Variants in SLC8A3 observed in about 807,000 individuals in gnomAD.
The protein encoded by SLC8A3 is solute carrier family 8 member A3, also known as sodium/calcium exchanger 3.
SLC8A3 carries 37 observed loss-of-function variants against 65.4 expected under a neutral mutation model. That is an observed-to-expected ratio of 0.57 (90% confidence interval 0.44 to 0.74). The LOEUF (loss-of-function observed/expected upper bound fraction) is 0.74. Among genes scored for constraint, SLC8A3 ranks in the 30% least tolerant of loss-of-function variants. SLC8A3 has a pLI of 0.00. For missense variants in SLC8A3, 1,112 were observed against 1,172.1 expected, an observed-to-expected ratio of 0.95 and a Z score of 0.75; for synonymous variants, 461 against 444.5, an observed-to-expected ratio of 1.04 and a Z score of -0.47.
intron 2 of SLC8A3, among the ~76,000 whole-genome samples, chr14:70,119,708 G>A (rs980412117): frequency 6.6e-6 from 1 of 152,182 alleles, no homozygotes; most frequent in African/African-American, 2.4e-5. Flanking sequence ...ATGCAACTTT[G>A]CATTAGTTAA....
chr14:70,124,986 C>T (rs4902781), intron 2 of SLC8A3, among the ~76,000 whole-genome samples: 141,795 of 152,252 alleles, frequency 0.93, 66,638 homozygotes, highest in Non-Finnish European at 1. Flanking sequence ...GCCATGACCT[C>T]GTCTTTTTCC....
intron 2 of SLC8A3, among the ~76,000 whole-genome samples, chr14:70,158,962 A>G (rs1896730575): frequency 6.6e-6 from 1 of 152,200 alleles, no homozygotes; most frequent in Non-Finnish European, 1.5e-5. Context: ...TGCTTCTAGA[A>G]TGTGCAGAAT....
chr14:70,161,134 T>A (rs921171062), intron 2 of SLC8A3, among the ~76,000 whole-genome samples: 2 of 145,106 alleles, frequency 1.4e-5, no homozygotes, highest in African/African-American at 5.0e-5. Flanking sequence ...TATATATATA[T>A]AAATATAAAT....
At chr14:70,076,609 A>G (rs1890541642) in intron 2 of SLC8A3, among the ~76,000 whole-genome samples, 1 of 152,094 alleles carries the variant, frequency 6.6e-6, no homozygotes, top group African/African-American at 2.4e-5. Context: ...TCTTGCACAC[A>G]TTACTCCCTC....
At chr14:70,173,784 G>A (rs572155376) in intron 1 of SLC8A3, among the ~76,000 whole-genome samples, 3 of 152,244 alleles carry the variant, frequency 2.0e-5, no homozygotes, top group East Asian at 1.9e-4. Flanking sequence ...CTCTGCCTCC[G>A]GTGGGTGGAA....
intron 2 of SLC8A3, among the ~76,000 whole-genome samples, chr14:70,159,687 C>G (rs2140338223): frequency 6.6e-6 from 1 of 152,320 alleles, no homozygotes; most frequent in Middle Eastern, 3.4e-3. Flanking sequence ...GGCCTTAAGA[C>G]CCAGAAGAGT....
intron 2 of SLC8A3, among the ~76,000 whole-genome samples, chr14:70,136,093 G>A (rs1479009231): frequency 6.6e-6 from 1 of 151,994 alleles, no homozygotes; most frequent in Non-Finnish European, 1.5e-5. Flanking sequence ...CCTCAGAGTG[G>A]ACACACACAG....
intron 2 of SLC8A3, among the ~76,000 whole-genome samples, chr14:70,150,556 C>G (rs777464341): frequency 1.7e-4 from 26 of 152,136 alleles, no homozygotes; most frequent in Non-Finnish European, 3.2e-4. Context: ...CAAACCCGGA[C>G]ATGAACTCAA....
chr14:70,071,605 G>T (rs776729180), intron 2 of SLC8A3, among the ~76,000 whole-genome samples: 3 of 152,176 alleles, frequency 2.0e-5, no homozygotes, highest in Non-Finnish European at 4.4e-5. Context: ...GGTTGGAAGC[G>T]TATATGTCCT....
chr14:70,049,525 A>G (rs1887220973), intron 5 of SLC8A3, among the ~76,000 whole-genome samples: 1 of 152,082 alleles, frequency 6.6e-6, no homozygotes, highest in African/African-American at 2.4e-5. Context: ...AGAAATACCT[A>G]ATGTAGATGA....
chr14:70,176,251 A>G (rs1897902560), intron 1 of SLC8A3, among the ~76,000 whole-genome samples: 2 of 152,330 alleles, frequency 1.3e-5, no homozygotes, highest in South Asian at 4.1e-4. Flanking sequence ...GCTCAGCTTA[A>G]TTTAAGTTTT....
intron 1 of SLC8A3, among the ~76,000 whole-genome samples, chr14:70,177,290 T>C (rs1432468580): frequency 6.6e-6 from 1 of 152,226 alleles, no homozygotes; most frequent in Non-Finnish European, 1.5e-5. Context: ...ACTTGGAGGC[T>C]GGAGAACCAT....
At chr14:70,052,553 T>G (rs1290232429) in intron 3 of SLC8A3, among the ~76,000 whole-genome samples, 1 of 152,244 alleles carries the variant, frequency 6.6e-6, no homozygotes, top group African/African-American at 2.4e-5. Flanking sequence ...GTCTACTGGT[T>G]TCACAGCATC....
intron 5 of SLC8A3, 151 bp from the exon 6 acceptor site, chr14:70,049,193 GC>G: frequency 1.3e-6 from 1 of 756,934 alleles, no homozygotes; most frequent in Non-Finnish European, 2.1e-6. Flanking sequence ...GGGCCAGCGT[GC>G]CAGAAAATAG....
intron 2 of SLC8A3, among the ~76,000 whole-genome samples, chr14:70,161,344 T>C (rs567127035): frequency 2.9e-4 from 43 of 149,890 alleles, no homozygotes; most frequent in Middle Eastern, 6.9e-3. Context: ...AATTATTCCT[T>C]TGGGCCTGGA....
intron 2 of SLC8A3, among the ~76,000 whole-genome samples, chr14:70,095,394 C>T (rs1892103000): frequency 1.3e-5 from 2 of 152,222 alleles, no homozygotes; most frequent in Admixed American, 1.3e-4. Flanking sequence ...GACACAAAGG[C>T]CAGAGACCTG....
intron 2 of SLC8A3, among the ~76,000 whole-genome samples, chr14:70,076,106 G>T (rs767907340): frequency 1.3e-5 from 2 of 152,138 alleles, no homozygotes; most frequent in Admixed American, 6.5e-5. Context: ...GCCTGCCTTT[G>T]TTCTGTTTTC....
intron 3 of SLC8A3, among the ~76,000 whole-genome samples, chr14:70,055,336 T>C (rs1887972127): frequency 6.6e-6 from 1 of 152,178 alleles, no homozygotes; most frequent in Admixed American, 6.5e-5. Context: ...AAAAATTGCA[T>C]TTCCTATTCT....
At chr14:70,150,442 T>C (rs987003552) in intron 2 of SLC8A3, among the ~76,000 whole-genome samples, 3 of 152,160 alleles carry the variant, frequency 2.0e-5, no homozygotes, top group Admixed American at 1.3e-4. Flanking sequence ...GCTTTCACAC[T>C]TCTGTTATTG....
Sources: gnomAD v4.1 joint callset for allele counts (sites outside exome capture counted in the v4.1 genomes callset) on GRCh38, gnomAD v4.1.1 for gene constraint, MANE v1.5 for transcripts, NCBI Gene and HGNC (gene_info 2026-07-23, HGNC 2026-07-21) for gene names.